DCLK1: variants seen among roughly 807,000 people sequenced by gnomAD.
The protein encoded by DCLK1 is serine/threonine-protein kinase DCLK1.
Under a neutral mutation model 86.2 loss-of-function variants are expected in DCLK1, and 16 were observed. The observed-to-expected ratio is 0.19, with a 90% CI of 0.13 to 0.28. DCLK1 has a LOEUF of 0.28. Ranked by LOEUF, DCLK1 falls within the 10% of genes least tolerant of loss-of-function variation. The pLI is 1.00. For synonymous variants in DCLK1, 369 were observed against 370.5 expected (o/e 1.00, Z 0.05); for missense variants, 590 against 940.2 (o/e 0.63, Z 4.87).
intron 3 of DCLK1, among the ~76,000 whole-genome samples, chr13:36,104,233 C>T (rs1288260222): frequency 1.3e-5 from 2 of 152,178 alleles, no homozygotes; most frequent in African/African-American, 4.8e-5. Flanking sequence ...TTGCTGAATA[C>T]TGGAGCCATA....
At chr13:35,859,038 T>G (rs544921584) in intron 5 of DCLK1, among the ~76,000 whole-genome samples, 25 of 152,278 alleles carry the variant, frequency 1.6e-4, no homozygotes, top group African/African-American at 6.0e-4. Flanking sequence ...CACTTGGTTT[T>G]TACTCTGTAA....
At chr13:36,069,761 A>G (rs1283640099) in intron 3 of DCLK1, among the ~76,000 whole-genome samples, 1 of 152,122 alleles carries the variant, frequency 6.6e-6, no homozygotes, top group African/African-American at 2.4e-5. Flanking sequence ...ATGTCCCCCC[A>G]TTACTCTCTG....
chr13:35,917,344 C>T (rs537476840), intron 4 of DCLK1, among the ~76,000 whole-genome samples: 1 of 152,146 alleles, frequency 6.6e-6, no homozygotes, highest in Non-Finnish European at 1.5e-5. Flanking sequence ...ATAACTAAAA[C>T]AATAACGCTG....
chr13:35,963,618 A>G (rs1188828291), intron 3 of DCLK1, among the ~76,000 whole-genome samples: 1 of 152,180 alleles, frequency 6.6e-6, no homozygotes, highest in Non-Finnish European at 1.5e-5. Flanking sequence ...TAGACTTTGT[A>G]TCCCCACCCA....
At chr13:35,873,313 G>A (rs1475719798) in intron 4 of DCLK1, among the ~76,000 whole-genome samples, 3 of 151,904 alleles carry the variant, frequency 2.0e-5, no homozygotes, top group Non-Finnish European at 1.5e-5. Flanking sequence ...TGAACAAAGT[G>A]GATTTGGTGA....
chr13:36,109,760 T>C (rs1285210648), intron 3 of DCLK1, among the ~76,000 whole-genome samples: 1 of 152,252 alleles, frequency 6.6e-6, no homozygotes, highest in African/African-American at 2.4e-5. Flanking sequence ...AAGACTTGAA[T>C]CCTGGTTTTT....
At chr13:35,987,415 T>C (rs1758160563) in intron 3 of DCLK1, among the ~76,000 whole-genome samples, 2 of 152,116 alleles carry the variant, frequency 1.3e-5, no homozygotes, top group Non-Finnish European at 2.9e-5. Flanking sequence ...AATGCCTTAA[T>C]TTTCTACTGA....
At position 35,968,924 on chromosome 13, in the gene DCLK1, G is replaced by A. The variant is rs142925400; in HGVS notation, c.724-21467C>T. Among the ~76,000 whole-genome samples, 510 of 152,206 alleles carry A rather than the reference G, an allele frequency of 3.4e-3. 2 individuals carry two copies. The highest frequency in any genetic ancestry group is 0.012 in the African/African-American group (486 of 41,540). On this transcript the variant is annotated intron_variant, in intron 3 of 16. Coordinates refer to ENST00000360631, the MANE Select transcript of DCLK1 (RefSeq NM_001330071.2). ...CAACCCATGGCATTCTCCCAAATAC[G>A]TCCTAACCAATCAGCCAACCAACAA...
intron 4 of DCLK1, among the ~76,000 whole-genome samples, chr13:35,921,098 A>G (rs1875775400): frequency 6.6e-6 from 1 of 152,124 alleles, no homozygotes; most frequent in African/African-American, 2.4e-5. Context: ...AGCTGCTTTC[A>G]AAGAGATCTT....
intron 2 of DCLK1, among the ~76,000 whole-genome samples, chr13:36,119,388 G>A (rs1885901202): frequency 6.6e-6 from 1 of 152,174 alleles, no homozygotes; most frequent in African/African-American, 2.4e-5. Context: ...AGTAATAACT[G>A]CTATAGGCAA....
intron 10 of DCLK1, among the ~76,000 whole-genome samples, chr13:35,823,775 T>C (rs1312641741): frequency 6.6e-6 from 1 of 152,166 alleles, no homozygotes; most frequent in Admixed American, 6.6e-5. Context: ...CCTAATGCGC[T>C]AAGGAACTCA....
chr13:35,930,184 G>A (rs1462947995), intron 4 of DCLK1, among the ~76,000 whole-genome samples: 2 of 152,178 alleles, frequency 1.3e-5, no homozygotes, highest in East Asian at 3.8e-4. Flanking sequence ...CCCTGAAGTA[G>A]ATATTTAACT....
Position 35,773,888 on chromosome 13 carries a change from C to A in DCLK1, c.*647G>T. ...TCTATTTCCTGGGTCAAGCTCTTTG[C>A]CACAAACCCAATTCCCTCCACTTGG... On this transcript the variant is annotated 3_prime_UTR_variant, in exon 17 of 17. Transcript: ENST00000360631. 1 of 152,424 alleles carries A rather than the reference C, an allele frequency of 6.6e-6. No homozygotes were observed. The allele number at this position is 152,424 out of a possible 1,614,324, so 9.4% of individuals were successfully genotyped here. A position where few individuals can be genotyped will look rare whatever the true frequency, so the allele number is the denominator to read the frequency against.
At position 35,918,876 on chromosome 13, in the gene DCLK1, T is replaced by A. The variant is rs991678315; in HGVS notation, c.823+28482A>T. Among the ~76,000 whole-genome samples, 249 of 148,342 alleles carry A rather than the reference T, an allele frequency of 1.7e-3. 4 individuals are homozygous for A. Among genetic ancestry groups the A allele is most frequent in the Non-Finnish European group, 3.1e-3 (206 of 67,020 alleles). On this transcript the variant is annotated intron_variant, in intron 4 of 16. Transcript: ENST00000360631. The stretch of plus-strand genomic sequence containing the variant: ...TAATTTGTTAAAGGCCAAAAAGAAA[T>A]CTTCCTTCTGAGTGTGTTTTTTTTT...
intron 10 of DCLK1, among the ~76,000 whole-genome samples, chr13:35,825,026 C>T (rs2087486230): frequency 6.6e-6 from 1 of 152,338 alleles, no homozygotes; most frequent in Admixed American, 6.5e-5. Flanking sequence ...TTCCTCTGAA[C>T]ACATAGGCAG....
intron 5 of DCLK1, among the ~76,000 whole-genome samples, chr13:35,866,771 T>G (rs1204669571): frequency 6.6e-6 from 1 of 152,152 alleles, no homozygotes; most frequent in African/African-American, 2.4e-5. Context: ...CCAATGTTTA[T>G]GGAGTATTTA....
chr13:35,863,814 ATTCTC>A (rs1871577528), intron 5 of DCLK1, among the ~76,000 whole-genome samples: 2 of 152,218 alleles, frequency 1.3e-5, no homozygotes, highest in Non-Finnish European at 1.5e-5. Context: ...GCTGATTAGA[ATTCTC>A]TTCACTTCCT....
At chr13:35,942,694 C>A (rs1877151898) in intron 4 of DCLK1, among the ~76,000 whole-genome samples, 1 of 152,132 alleles carries the variant, frequency 6.6e-6, no homozygotes, top group African/African-American at 2.4e-5. Flanking sequence ...AAAAATACAG[C>A]CACCTATACC....
chr13:36,016,354 C>A lies in DCLK1; in HGVS notation c.724-68897G>T, dbSNP rs568990320. On this transcript the variant is annotated intron_variant, in intron 3 of 16. Transcript: ENST00000360631. ...ATTTCCTTTCTGCCATTATCCTTCCCAGTCATATGAGTGAACTATTAATGA... is the reference window on the plus strand; with the variant it reads ...ATTTCCTTTCTGCCATTATCCTTCCAAGTCATATGAGTGAACTATTAATGA... 4.6e-5 allele frequency among the ~76,000 whole-genome samples: 7 copies of A among 152,200 alleles called. 1 individual carries two copies. In the Middle Eastern group the frequency reaches 0.017, roughly 370 times the overall value.
Sources: gnomAD v4.1 joint callset for allele counts (sites outside exome capture counted in the v4.1 genomes callset) on GRCh38, gnomAD v4.1.1 for gene constraint, MANE v1.5 for transcripts, NCBI Gene and HGNC (gene_info 2026-07-23, HGNC 2026-07-21) for gene names.